SEMA5A: variants seen among roughly 807,000 people sequenced by gnomAD.
SEMA5A encodes semaphorin 5A.
A neutral mutation model predicts 135.5 loss-of-function variants in SEMA5A; 55 were observed. That is an observed-to-expected ratio of 0.41 (90% CI 0.33 to 0.51). SEMA5A has a LOEUF of 0.51. SEMA5A is among the 20% of genes least tolerant of loss of function. The pLI is 0.37. For synonymous variants in SEMA5A, 580 were observed against 546.5 expected, an observed-to-expected ratio of 1.06 and a Z score of -0.85; for missense variants, 1,290 against 1,419.9, an observed-to-expected ratio of 0.91 and a Z score of 1.47.
intron 1 of SEMA5A, among the ~76,000 whole-genome samples, chr5:9,514,511 C>A (rs1293900029): frequency 6.6e-6 from 1 of 152,202 alleles, no homozygotes; most frequent in Non-Finnish European, 1.5e-5. Flanking sequence ...TCCACAGATG[C>A]TCATGTCCCT....
At chr5:9,447,620 T>C (rs1051352836) in intron 1 of SEMA5A, among the ~76,000 whole-genome samples, 4 of 152,192 alleles carry the variant, frequency 2.6e-5, no homozygotes, top group African/African-American at 9.6e-5. Context: ...GACTTAACAC[T>C]ATATGAATCC....
intron 11 of SEMA5A, among the ~76,000 whole-genome samples, chr5:9,179,916 C>T (rs2150324143): frequency 1.3e-5 from 2 of 152,258 alleles, no homozygotes; most frequent in Middle Eastern, 3.4e-3. Context: ...AATGTATTTG[C>T]TCACAGTTCT....
chr5:9,119,174 C>T (rs1022184024), intron 14 of SEMA5A, 33 bp from the exon 15 acceptor site: 1 of 1,605,326 alleles, frequency 6.2e-7, no homozygotes, highest in Non-Finnish European at 8.5e-7. Flanking sequence ...ATCATTAGGT[C>T]CCGCAGGCTC....
At chr5:9,468,031 C>A (rs1173885546) in intron 1 of SEMA5A, among the ~76,000 whole-genome samples, 1 of 152,240 alleles carries the variant, frequency 6.6e-6, no homozygotes, top group East Asian at 1.9e-4. Flanking sequence ...AGAGGACTTG[C>A]TCAGGGCTAC....
intron 16 of SEMA5A, among the ~76,000 whole-genome samples, chr5:9,092,602 G>T (rs1052107262): frequency 6.6e-6 from 1 of 152,184 alleles, no homozygotes; most frequent in Non-Finnish European, 1.5e-5. Context: ...AATAATTTAA[G>T]AATATGAACA....
chr5:9,426,463 A>AAATAAAATAAAATAAAAT, intron 2 of SEMA5A, among the ~76,000 whole-genome samples: 1 of 150,760 alleles, frequency 6.6e-6, no homozygotes, highest in Non-Finnish European at 1.5e-5. Context: ...AAATAAAATA[A>AAATAAAATAAAATAAAAT]AATAAAATAA....
intron 15 of SEMA5A, among the ~76,000 whole-genome samples, chr5:9,114,493 A>C (rs1740410787): frequency 6.6e-6 from 1 of 152,204 alleles, no homozygotes; most frequent in African/African-American, 2.4e-5. Flanking sequence ...AAGCACAGTA[A>C]AAACTTAAAA....
At chr5:9,313,308 G>T (rs868254255) in intron 5 of SEMA5A, among the ~76,000 whole-genome samples, 2 of 152,096 alleles carry the variant, frequency 1.3e-5, no homozygotes, top group Non-Finnish European at 2.9e-5. Flanking sequence ...TCTCATCCAC[G>T]AATTGTCCCC....
At chr5:9,360,259 A>G (rs1196954993) in intron 3 of SEMA5A, among the ~76,000 whole-genome samples, 1 of 152,188 alleles carries the variant, frequency 6.6e-6, no homozygotes, top group African/African-American at 2.4e-5. Flanking sequence ...CTCCAGAGGG[A>G]TGGGATTTGA....
intron 1 of SEMA5A, among the ~76,000 whole-genome samples, chr5:9,497,680 CA>C (rs766008259): frequency 5.9e-5 from 9 of 152,166 alleles, no homozygotes; most frequent in Non-Finnish European, 1.2e-4. Context: ...CCTCATTTTA[CA>C]GATGAGGAAA....
chr5:9,510,408 A>T (rs1736141614), intron 1 of SEMA5A, among the ~76,000 whole-genome samples: 1 of 152,238 alleles, frequency 6.6e-6, no homozygotes, highest in Non-Finnish European at 1.5e-5. Context: ...TAATTCATAG[A>T]TGCTATTTAT....
intron 16 of SEMA5A, among the ~76,000 whole-genome samples, chr5:9,096,367 A>G (rs1328999568): frequency 6.6e-6 from 1 of 152,114 alleles, no homozygotes; most frequent in Non-Finnish European, 1.5e-5. Context: ...TGCCAACCTA[A>G]CAACCACTGT....
At chr5:9,486,712 A>G (rs1321482122) in intron 1 of SEMA5A, among the ~76,000 whole-genome samples, 1 of 152,270 alleles carries the variant, frequency 6.6e-6, no homozygotes, top group East Asian at 1.9e-4. Flanking sequence ...CTATAATAAG[A>G]CAGAATGCAA....
chr5:9,128,516 G>A (rs1453980154), intron 13 of SEMA5A, among the ~76,000 whole-genome samples: 2 of 152,198 alleles, frequency 1.3e-5, no homozygotes, highest in African/African-American at 4.8e-5. Context: ...GGGAATCAAA[G>A]ACTTGCTCAT....
At chr5:9,256,833 T>A (rs150413012) in intron 5 of SEMA5A, among the ~76,000 whole-genome samples, 162 of 152,360 alleles carry the variant, frequency 1.1e-3, no homozygotes, top group African/African-American at 3.8e-3. Flanking sequence ...GAGAGCCTCA[T>A]CACATTTGTC....
At chr5:9,232,175 A>T (rs1273243265) in intron 6 of SEMA5A, among the ~76,000 whole-genome samples, 1 of 152,202 alleles carries the variant, frequency 6.6e-6, no homozygotes, top group Non-Finnish European at 1.5e-5. Flanking sequence ...TTTGTCATAT[A>T]GCATTTCATG....
At chr5:9,062,794 G>T in intron 18 of SEMA5A, 93 bp downstream of exon 18, 1 of 1,313,340 alleles carries the variant, frequency 7.6e-7, no homozygotes, top group Non-Finnish European at 1.1e-6. Context: ...TCTCAAACAC[G>T]AAGCCAGGGA....
intron 2 of SEMA5A, among the ~76,000 whole-genome samples, chr5:9,385,792 C>T (rs78484979): frequency 0.075 from 8,766 of 117,442 alleles, 417 homozygotes; most frequent in Middle Eastern, 0.11. Flanking sequence ...AGTTGGAAAG[C>T]GCTTTTTTTT....
At chr5:9,141,159 C>CTA in intron 12 of SEMA5A, among the ~76,000 whole-genome samples, 1 of 152,274 alleles carries the variant, frequency 6.6e-6, no homozygotes, top group East Asian at 1.9e-4. Flanking sequence ...CTGATGAGAT[C>CTA]TACCTTTATT....
Sources: gnomAD v4.1 joint callset for allele counts (sites outside exome capture counted in the v4.1 genomes callset) on GRCh38, gnomAD v4.1.1 for gene constraint, MANE v1.5 for transcripts, NCBI Gene and HGNC (gene_info 2026-07-23, HGNC 2026-07-21) for gene names.